Variants in SPEF2 observed in about 807,000 individuals in gnomAD.
SPEF2 encodes the protein sperm flagella and cilia-associated protein 2.
Under a neutral mutation model 224.6 loss-of-function variants are expected in SPEF2, and 187 were observed. That is an observed-to-expected ratio of 0.83 (90% CI 0.74 to 0.94). The LOEUF is 0.94. Among genes scored for constraint, SPEF2 ranks in the 40% least tolerant of loss-of-function variants. SPEF2 has a pLI of 0.00. For missense variants in SPEF2, 2,170 were observed against 2,135.6 expected (o/e 1.02, Z -0.32); for synonymous variants, 715 against 707.3 (o/e 1.01, Z -0.17).
chr5:35,744,989 T>A (rs1372688430), intron 23 of SPEF2, among the ~76,000 whole-genome samples: 2 of 152,008 alleles, frequency 1.3e-5, no homozygotes, highest in Non-Finnish European at 2.9e-5. Flanking sequence ...AGTGCGGCAG[T>A]GGGAAAGGGA....
chr5:35,656,693 T>C (rs1748999344), intron 7 of SPEF2, among the ~76,000 whole-genome samples: 1 of 152,230 alleles, frequency 6.6e-6, no homozygotes, highest in Non-Finnish European at 1.5e-5. Flanking sequence ...CTAGATTTCC[T>C]CACTTTCCAC....
chr5:35,634,449 A>G (rs1372773267), intron 2 of SPEF2, among the ~76,000 whole-genome samples: 2 of 152,082 alleles, frequency 1.3e-5, no homozygotes, highest in Admixed American at 6.5e-5. Flanking sequence ...TTGTCTTTCA[A>G]CAACTTGACT....
chr5:35,757,345 C>T (rs1015349949), intron 24 of SPEF2, among the ~76,000 whole-genome samples: 6 of 151,934 alleles, frequency 3.9e-5, no homozygotes, highest in African/African-American at 1.5e-4. Context: ...GTCCCAAAAA[C>T]CAATTGTATA....
intron 10 of SPEF2, chr5:35,675,746 G>A: frequency 3.3e-6 from 1 of 307,358 alleles, no homozygotes; most frequent in South Asian, 2.9e-5. Flanking sequence ...CTTATTTGTA[G>A]TAATCAAGCA....
At position 35,754,225 on chromosome 5, in the gene SPEF2, C is replaced by T. The variant is rs144520486; in HGVS notation, c.3468+464C>T. On this transcript the variant is annotated intron_variant, in intron 24 of 36. Transcript: ENST00000356031. ...AAAACAGACCATAATCAATGCAACC[C>T]GATTAACTTATATTTGCAGCCTATT... Among the ~76,000 whole-genome samples the T allele has an allele frequency of 9.4e-4, 143 of 152,168 alleles. 1 individual carries two copies. The highest frequency in any genetic ancestry group is 8.5e-4 in the Non-Finnish European group (58 of 68,004).
intron 13 of SPEF2, 77 bp from the exon 14 acceptor site, chr5:35,695,658 C>CAT: frequency 8.3e-7 from 1 of 1,210,266 alleles, no homozygotes; most frequent in Non-Finnish European, 1.2e-6. Context: ...TGTCCAAAAC[C>CAT]ATAGATGGTC....
rs574385601 is a variant in SPEF2, at chr5:35,692,086, C to T, written c.1745-484C>T. On this transcript the variant is annotated intron_variant, in intron 11 of 36. Coordinates refer to ENST00000356031, the MANE Select transcript of SPEF2 (RefSeq NM_024867.4). Reference sequence around the variant, plus strand: ...ATGCTGGGATTACAAGCATGAGCCACCGTGCCCAGCCTTATCACGTTTTTT... The same window carrying T: ...ATGCTGGGATTACAAGCATGAGCCATCGTGCCCAGCCTTATCACGTTTTTT... Among the ~76,000 whole-genome samples the T allele has an allele frequency of 2.6e-5, 4 of 152,158 alleles. No individual in the cohort carries two copies. The East Asian group carries it at 7.9e-4, about 30-fold the overall frequency.
intron 19 of SPEF2, among the ~76,000 whole-genome samples, chr5:35,712,587 C>A (rs1741388112): frequency 1.3e-5 from 2 of 152,204 alleles, no homozygotes; most frequent in Non-Finnish European, 2.9e-5. Context: ...CTAAACATCT[C>A]AATGTGACAG....
intron 2 of SPEF2, among the ~76,000 whole-genome samples, chr5:35,632,503 TG>T (rs1745278945): frequency 6.6e-6 from 1 of 152,156 alleles, no homozygotes; most frequent in South Asian, 2.1e-4. Context: ...GTAGGAATTA[TG>T]GGGATTGCAG....
Position 35,697,709 on chromosome 5 carries a change from T to C in SPEF2, c.2057T>C (p.Leu686Pro). Residue 686 changes from leucine to proline, a missense_variant, in exon 15 of 37, where the codon CTT (leucine) becomes CCT (proline). Physicochemically the swap from Leu to Pro is moderately conservative, Grantham distance 98 (BLOSUM62 -3). Transcript: ENST00000356031. Reference sequence around the variant, plus strand: ...TCCCAGCTCACTACACGTGCTCAGCTTGGTGCAAAATCAGAACAGTTGCTG... The same window carrying C: ...TCCCAGCTCACTACACGTGCTCAGCCTGGTGCAAAATCAGAACAGTTGCTG... ...SFLKLTTRAQ[L>P]GAKSEQLLKK... 6.2e-7 allele frequency: 1 copy of C among 1,613,414 alleles called. No homozygotes were observed. The highest frequency in any genetic ancestry group is 1.3e-5 in the African/African-American group (1 of 75,014).
At chr5:35,659,959 A>C (rs1749483788) in intron 8 of SPEF2, among the ~76,000 whole-genome samples, 1 of 151,948 alleles carries the variant, frequency 6.6e-6, no homozygotes, top group African/African-American at 2.4e-5. Context: ...GAATGAGAAT[A>C]AATGCTTTAT....
In SPEF2 at chr5:35,814,462, A is replaced by G. The variant is rs1758717280; in HGVS notation, c.5380-2A>G. On this transcript the variant is annotated splice_acceptor_variant, in intron 36 of 36. Coordinates refer to ENST00000356031, the MANE Select transcript of SPEF2 (RefSeq NM_024867.4). LOFTEE classifies it high-confidence loss of function. Reference sequence around the variant, plus strand: ...AACTTCTCTTTGAATCTTTTGTCTTAGGATATTAAAATAATTCTCCAAAGG... The same window carrying G: ...AACTTCTCTTTGAATCTTTTGTCTTGGGATATTAAAATAATTCTCCAAAGG... 6.3e-7 allele frequency: 1 copy of G among 1,574,942 alleles called. No homozygotes were observed. Among genetic ancestry groups the G allele is most frequent in the Non-Finnish European group, 8.7e-7 (1 of 1,150,702 alleles).
At chr5:35,787,836 T>C (rs1755377189) in intron 30 of SPEF2, 1 of 552,478 alleles carries the variant, frequency 1.8e-6, no homozygotes, top group Non-Finnish European at 3.2e-6. Flanking sequence ...TTGGGATTAC[T>C]TAAAATAACA....
chr5:35,762,430 T>G (rs1751436877), intron 25 of SPEF2, among the ~76,000 whole-genome samples: 2 of 152,224 alleles, frequency 1.3e-5, no homozygotes, highest in South Asian at 4.1e-4. Flanking sequence ...TGATTTAGCC[T>G]TATTTGATTT....
chr5:35,717,192 A>AT (rs201148045), intron 20 of SPEF2, among the ~76,000 whole-genome samples: 65 of 151,334 alleles, frequency 4.3e-4, no homozygotes, highest in Middle Eastern at 3.4e-3. Flanking sequence ...TAATTACAGG[A>AT]TTTTTTTTTT....
In SPEF2 at chr5:35,763,713, C is replaced by G; in HGVS notation, c.3801+11C>G. The G allele has an allele frequency of 1.3e-6, 2 of 1,591,428 alleles. No individual in the cohort carries two copies. The highest frequency in any genetic ancestry group is 1.7e-6 in the Non-Finnish European group (2 of 1,172,810). ...GCAGTATCTCACATGGTAAGCAGTG[C>G]TCGTTATATTTTCTGTTAGTAATAC... On this transcript the variant is annotated intron_variant, in intron 26 of 36. Coordinates refer to ENST00000356031, the MANE Select transcript of SPEF2 (RefSeq NM_024867.4).
At chr5:35,733,135 G>A (rs4571500) in intron 21 of SPEF2, among the ~76,000 whole-genome samples, 46,369 of 151,102 alleles carry the variant, frequency 0.31, 7,506 homozygotes, top group Middle Eastern at 0.39. Context: ...TTTTTTTTGA[G>A]ATGGAGTCTC....
intron 6 of SPEF2, among the ~76,000 whole-genome samples, chr5:35,649,794 T>C (rs574957995): frequency 2.6e-5 from 4 of 152,376 alleles, no homozygotes; most frequent in African/African-American, 9.6e-5. Flanking sequence ...TCATGCTGTA[T>C]CCTCAGCAGT....
intron 10 of SPEF2, among the ~76,000 whole-genome samples, chr5:35,673,292 C>T (rs1307268527): frequency 6.6e-6 from 1 of 152,192 alleles, no homozygotes; most frequent in Non-Finnish European, 1.5e-5. Flanking sequence ...CTCAATCATG[C>T]AGTGGACTCC....
Sources: gnomAD v4.1 joint callset for allele counts (sites outside exome capture counted in the v4.1 genomes callset) on GRCh38, gnomAD v4.1.1 for gene constraint, MANE v1.5 for transcripts, NCBI Gene and HGNC (gene_info 2026-07-23, HGNC 2026-07-21) for gene names.